The following LRRC37B variants were observed in gnomAD, a reference collection of about 807,000 sequenced individuals.
LRRC37B encodes the protein leucine rich repeat containing 37B, also known as leucine-rich repeat-containing protein 37B.
LRRC37B carries 28 observed loss-of-function variants against 98.3 expected under a neutral mutation model. The observed-to-expected ratio is 0.28, with a 90% CI of 0.21 to 0.39. The LOEUF is 0.39. Ranked by LOEUF, LRRC37B falls within the 10% of genes least tolerant of loss-of-function variation. The pLI, the probability that LRRC37B is intolerant of heterozygous loss-of-function variation, is 1.00. For synonymous variants in LRRC37B, 364 were observed against 442.7 expected, an observed-to-expected ratio of 0.82 and a Z score of 2.23; for missense variants, 938 against 1,182.7, an observed-to-expected ratio of 0.79 and a Z score of 3.03.
chr17:32,021,914 A>T (rs771309419), exon 1 of LRRC37B: 1 of 1,614,134 alleles, frequency 6.2e-7, no homozygotes, highest in South Asian at 1.1e-5. Context: ...AGCAAGTTGG[A>T]CTTTCTCAAT....
chr17:32,051,810 A>G (rs1911768988), intron 11 of LRRC37B: 2 of 152,292 alleles, frequency 1.3e-5, no homozygotes, highest in South Asian at 2.1e-4. Context: ...ATGGTATTTC[A>G]TGTCATGAAT....
At chr17:32,025,632 G>C (rs1910932364) in intron 2 of LRRC37B, among the ~76,000 whole-genome samples, 1 of 152,100 alleles carries the variant, frequency 6.6e-6, no homozygotes, top group Admixed American at 6.5e-5. Context: ...CTAGGACTTA[G>C]AGGGTCACCC....
At chr17:32,041,565 G>C (rs1218883974) in intron 7 of LRRC37B, 1 of 489,684 alleles carries the variant, frequency 2.0e-6, no homozygotes, top group Non-Finnish European at 4.0e-6. Context: ...CATCCACACT[G>C]GGTGGCACCC....
At chr17:32,041,246 C>T (rs765362267) in intron 7 of LRRC37B, 3 of 768,790 alleles carry the variant, frequency 3.9e-6, no homozygotes, top group South Asian at 2.7e-5. Context: ...ATGGGGGCTT[C>T]CCCTGCACCA....
chr17:32,023,819 C>T (rs1286405731), intron 1 of LRRC37B, among the ~76,000 whole-genome samples: 1 of 152,154 alleles, frequency 6.6e-6, no homozygotes, highest in East Asian at 1.9e-4. Context: ...GTCCGCAGAA[C>T]ATTAAAATGA....
intron 8 of LRRC37B, 83 bp from the exon 12 acceptor site, chr17:32,047,678 G>A (rs1008980216): frequency 6.9e-6 from 11 of 1,596,152 alleles, no homozygotes; most frequent in African/African-American, 2.7e-5. Flanking sequence ...TACTCTGTGT[G>A]ACTGGGGCAT....
Position 32,022,844 on chromosome 17 carries a change from C to G in LRRC37B, c.1760+19C>G. The G allele has an allele frequency of 3.1e-6, 5 of 1,608,196 alleles. No homozygotes were observed. The highest frequency in any genetic ancestry group is 4.3e-6 in the Non-Finnish European group (5 of 1,175,222). ...CCACCTTGTAAGAATCACCTTTCCTCAATCATCCTCTGTGTCTTGCCTGAC... is the reference window on the plus strand; with the variant it reads ...CCACCTTGTAAGAATCACCTTTCCTGAATCATCCTCTGTGTCTTGCCTGAC... On this transcript the variant is annotated intron_variant, in intron 1 of 11. Coordinates refer to ENST00000327564, the Ensembl canonical transcript of LRRC37B.
At position 32,039,559 on chromosome 17, in the gene LRRC37B, C is replaced by A. The variant is rs1164124898; in HGVS notation, c.2204+3920C>A. 1.1e-3 allele frequency among the ~76,000 whole-genome samples: 92 copies of A among 85,002 alleles called. 1 individual carries two copies. Among genetic ancestry groups the A allele is most frequent in the Non-Finnish European group, 1.5e-3 (65 of 43,160 alleles). The allele number at this position is 85,002 out of a possible 152,430, so 55.8% of individuals were successfully genotyped here. On this transcript the variant is annotated intron_variant, in intron 7 of 11. Transcript: ENST00000327564. ...TTATATATATTTCTATATATATATTCTATATATATATTTCTATATATATTT... is the reference window on the plus strand; with the variant it reads ...TTATATATATTTCTATATATATATTATATATATATATTTCTATATATATTT...
At chr17:32,039,338 G>A (rs561094887) in intron 7 of LRRC37B, among the ~76,000 whole-genome samples, 1 of 149,712 alleles carries the variant, frequency 6.7e-6, no homozygotes. Flanking sequence ...TTCACCAGGT[G>A]TGATGGCACA....
upstream of LRRC37B, chr17:32,020,860 C>G: frequency 9.1e-7 from 1 of 1,095,726 alleles, no homozygotes. Context: ...CACCCCACCA[C>G]AGCAGGCCGC....
At chr17:32,011,256 A>T (rs1038747224) in intron 1 of LRRC37B, among the ~76,000 whole-genome samples, 6 of 152,144 alleles carry the variant, frequency 3.9e-5, no homozygotes, top group Non-Finnish European at 7.4e-5. Context: ...CAGCCTCCCA[A>T]AGTGCTGGGA....
upstream of LRRC37B, among the ~76,000 whole-genome samples, chr17:32,020,152 A>AT (rs1910729312): frequency 6.6e-6 from 1 of 152,092 alleles, no homozygotes; most frequent in African/African-American, 2.4e-5. Flanking sequence ...CCCCCCTTCA[A>AT]TTTTAAAACC....
At chr17:32,019,831 C>T (rs1376722883), upstream of LRRC37B, among the ~76,000 whole-genome samples, 3 of 152,212 alleles carry the variant, frequency 2.0e-5, no homozygotes, top group South Asian at 2.1e-4. Context: ...CTAAATGAGG[C>T]GAATCTTGGA....
intron 7 of LRRC37B, chr17:32,042,900 T>A (rs1435479333): frequency 3.3e-5 from 5 of 152,274 alleles, no homozygotes; most frequent in East Asian, 1.9e-4. Flanking sequence ...CTGAATTTTT[T>A]AAGCCATGTT....
At chr17:32,035,157 C>T (rs1911212743) in intron 6 of LRRC37B, among the ~76,000 whole-genome samples, 176 bp downstream of exon 9, 1 of 149,984 alleles carries the variant, frequency 6.7e-6, no homozygotes, top group Non-Finnish European at 1.5e-5. Flanking sequence ...ATGGTCAAGA[C>T]AGCCAGCGGG....
chr17:32,032,055 G>A (rs1285609045), intron 5 of LRRC37B, among the ~76,000 whole-genome samples: 1 of 152,104 alleles, frequency 6.6e-6, no homozygotes, highest in Non-Finnish European at 1.5e-5. Context: ...ATCACTTGAG[G>A]TCAGGAGTTT....
intron 7 of LRRC37B, among the ~76,000 whole-genome samples, chr17:32,039,464 A>C (rs1911344326): frequency 8.2e-6 from 1 of 121,548 alleles, no homozygotes; most frequent in African/African-American, 3.1e-5. Context: ...GTGACAGAGC[A>C]AGAACCTGCC....
chr17:32,020,762 C>T, upstream of LRRC37B: 1 of 495,126 alleles, frequency 2.0e-6, no homozygotes, highest in South Asian at 6.0e-5. Flanking sequence ...AGAATTCAGG[C>T]TGCCAGAACT....
intron 7 of LRRC37B, among the ~76,000 whole-genome samples, chr17:32,036,435 T>C (rs1911246507): frequency 6.6e-6 from 1 of 152,170 alleles, no homozygotes; most frequent in East Asian, 1.9e-4. Flanking sequence ...AAATAAAATA[T>C]ATAAAATAAT....
Sources: gnomAD v4.1 joint callset for allele counts (sites outside exome capture counted in the v4.1 genomes callset) on GRCh38, gnomAD v4.1.1 for gene constraint, MANE v1.5 for transcripts, NCBI Gene and HGNC (gene_info 2026-07-23, HGNC 2026-07-21) for gene names.